The following NT5M variants were observed in gnomAD, a reference collection of about 807,000 sequenced individuals.
The protein encoded by NT5M is 5'(3')-deoxyribonucleotidase, mitochondrial.
Under a neutral mutation model 22.2 loss-of-function variants are expected in NT5M, and 22 were observed. That is an observed-to-expected ratio of 0.99 (90% confidence interval 0.71 to 1.41). The LOEUF (loss-of-function observed/expected upper bound fraction) is 1.41, where lower values mean the gene tolerates loss of function less well. Among genes scored for constraint, NT5M ranks in the 40% most tolerant of loss-of-function variants. The pLI is 0.00. For missense variants in NT5M, 322 were observed against 314.8 expected, an observed-to-expected ratio of 1.02 and a Z score of -0.17; for synonymous variants, 167 against 133.0, an observed-to-expected ratio of 1.26 and a Z score of -1.76.
chr17:17,306,580 T>G lies in NT5M; in HGVS notation c.305T>G (p.Phe102Cys). The change falls in exon 2 of 5, where the codon TTT (phenylalanine) becomes TGT (cysteine). Residue 102 changes from phenylalanine to cysteine, a missense_variant. Phe to Cys is a radical substitution (Grantham distance 205, BLOSUM62 -2). Coordinates refer to ENST00000389022, the MANE Select transcript of NT5M (RefSeq NM_020201.4). Reference protein sequence around the residue: ...AISIWESKNFFFELEPLPGAV... With the variant: ...AISIWESKNFCFELEPLPGAV... Reference sequence around the variant, plus strand: ...AGCATTTGGGAGTCAAAGAATTTCTTTTTTGAACTTGAGCCTCTGCCAGGG... The same window carrying G: ...AGCATTTGGGAGTCAAAGAATTTCTGTTTTGAACTTGAGCCTCTGCCAGGG... The G allele has an allele frequency of 6.2e-7, 1 of 1,614,054 alleles. No individual in the cohort carries two copies. The highest frequency in any genetic ancestry group is 8.5e-7 in the Non-Finnish European group (1 of 1,180,024).
At chr17:17,318,337 A>G (rs868330641) in intron 2 of NT5M, among the ~76,000 whole-genome samples, 39 of 151,886 alleles carry the variant, frequency 2.6e-4, no homozygotes, top group African/African-American at 9.4e-4. Context: ...AGAATTAGCC[A>G]GGCTTGGTGG....
intron 3 of NT5M, among the ~76,000 whole-genome samples, chr17:17,323,964 TG>T (rs1421716063): frequency 6.6e-6 from 1 of 152,114 alleles, no homozygotes; most frequent in Non-Finnish European, 1.5e-5. Context: ...CCAAGATCAC[TG>T]GGTTCAAGCA....
intron 2 of NT5M, among the ~76,000 whole-genome samples, chr17:17,309,127 CT>C (rs35861887): frequency 2.1e-3 from 301 of 140,262 alleles, no homozygotes; most frequent in Middle Eastern, 7.4e-3. Context: ...TTCTTTCTTT[CT>C]TTTTTTTTTT....
chr17:17,330,173 G>A (rs1291202731), intron 3 of NT5M, among the ~76,000 whole-genome samples: 7 of 151,196 alleles, frequency 4.6e-5, no homozygotes, highest in Non-Finnish European at 8.9e-5. Context: ...TGTGGCGGGC[G>A]CCTGTAGTCC....
intron 3 of NT5M, among the ~76,000 whole-genome samples, chr17:17,337,948 T>A (rs1225339017): frequency 3.3e-5 from 5 of 152,196 alleles, no homozygotes; most frequent in Non-Finnish European, 7.3e-5. Flanking sequence ...TTGCCTGTGC[T>A]TTTGGGGTAC....
chr17:17,340,587 C>T (rs1457368129), intron 3 of NT5M, among the ~76,000 whole-genome samples: 3 of 151,736 alleles, frequency 2.0e-5, no homozygotes, highest in African/African-American at 7.3e-5. Flanking sequence ...AGTGCAGTGG[C>T]ACAATCTCGG....
In NT5M at chr17:17,343,980, G is replaced by C. The variant is rs536673824; in HGVS notation, c.430-814G>C. Among the ~76,000 whole-genome samples, 3 of 152,262 alleles carry C rather than the reference G, an allele frequency of 2.0e-5. No homozygotes were observed. The East Asian group carries it at 5.8e-4, about 29-fold the overall frequency. The stretch of plus-strand genomic sequence containing the variant: ...ACCCCTGGCTGCACTGGGGTGGTGA[G>C]AGCAGCCAGGACCTGCTACCCTATA... On this transcript the variant is annotated intron_variant, in intron 3 of 4. Coordinates refer to ENST00000389022, the MANE Select transcript of NT5M (RefSeq NM_020201.4).
intron 3 of NT5M, among the ~76,000 whole-genome samples, chr17:17,329,440 T>G (rs752336658): frequency 2.0e-5 from 3 of 152,168 alleles, no homozygotes; most frequent in Non-Finnish European, 4.4e-5. Context: ...GACTTGAAAC[T>G]TAAGCAGCAT....
At chr17:17,314,504 A>G (rs1209985915) in intron 2 of NT5M, among the ~76,000 whole-genome samples, 1 of 152,148 alleles carries the variant, frequency 6.6e-6, no homozygotes, top group Non-Finnish European at 1.5e-5. Flanking sequence ...ATTTAAATAT[A>G]GATTTACAAA....
At chr17:17,339,455 CTCTT>C (rs967599719) in intron 3 of NT5M, among the ~76,000 whole-genome samples, 2 of 152,060 alleles carry the variant, frequency 1.3e-5, no homozygotes, top group African/African-American at 4.8e-5. Context: ...AATTTGGATG[CTCTT>C]TCTTTCTTTC....
chr17:17,308,974 A>G (rs943012749), intron 2 of NT5M, among the ~76,000 whole-genome samples: 2 of 152,206 alleles, frequency 1.3e-5, no homozygotes, highest in Admixed American at 6.5e-5. Context: ...TTGGATATGT[A>G]TGGATCTAAT....
intron 2 of NT5M, among the ~76,000 whole-genome samples, chr17:17,320,183 C>G (rs2049121087): frequency 6.6e-6 from 1 of 152,140 alleles, no homozygotes; most frequent in African/African-American, 2.4e-5. Flanking sequence ...GAATTGTACC[C>G]TTTTAATATG....
chr17:17,345,023 C>A (rs1160177072), intron 4 of NT5M, 115 bp downstream of exon 4: 10 of 1,448,190 alleles, frequency 6.9e-6, no homozygotes, highest in Non-Finnish European at 9.3e-6. Context: ...CAGCTGTTTG[C>A]CAGGCACTGA....
chr17:17,316,439 G>A (rs1045236466), intron 2 of NT5M, among the ~76,000 whole-genome samples: 1 of 151,776 alleles, frequency 6.6e-6, no homozygotes, highest in Admixed American at 6.6e-5. Flanking sequence ...GCAATGGCAT[G>A]ATCTTGGCTC....
At position 17,303,447 on chromosome 17, in the gene NT5M, C is replaced by T; in HGVS notation, c.-104C>T. The T allele has an allele frequency of 2.0e-6, 2 of 999,732 alleles. No homozygotes were observed. The allele number at this position is 999,732 out of a possible 1,614,324, so 61.9% of individuals were successfully genotyped here. On this transcript the variant is annotated 5_prime_UTR_variant, in exon 1 of 5. Transcript: ENST00000389022. ...TCCCCGTCCCGCGCTCCACGCGCGC[C>T]CCAGCGTTGGGGGCTTCTCCTCCGC...
At chr17:17,329,192 A>G (rs1168138413) in intron 3 of NT5M, among the ~76,000 whole-genome samples, 1 of 152,102 alleles carries the variant, frequency 6.6e-6, no homozygotes, top group Non-Finnish European at 1.5e-5. Context: ...GTTAGCCAGG[A>G]TGGTCTCGAT....
intron 2 of NT5M, among the ~76,000 whole-genome samples, chr17:17,314,998 C>T (rs576718893): frequency 6.6e-6 from 1 of 152,282 alleles, no homozygotes; most frequent in South Asian, 2.1e-4. Context: ...AGTGTCAGCT[C>T]CCTGAGGTCA....
chr17:17,323,117 G>A, intron 2 of NT5M, 68 bp from the exon 3 acceptor site: 2 of 1,268,082 alleles, frequency 1.6e-6, no homozygotes, highest in Non-Finnish European at 2.3e-6. Context: ...AGGCAGGGCA[G>A]GTGGTGAAGG....
chr17:17,336,574 G>A (rs1272094627), intron 3 of NT5M, among the ~76,000 whole-genome samples: 3 of 142,246 alleles, frequency 2.1e-5, no homozygotes, highest in Non-Finnish European at 3.0e-5. Flanking sequence ...TTTTTTTGAC[G>A]GAGTCTTACT....
Sources: allele counts gnomAD v4.1 joint callset (sites outside exome capture counted in the v4.1 genomes callset), GRCh38; gene constraint gnomAD v4.1.1; transcripts MANE v1.5; gene names NCBI Gene and HGNC (gene_info 2026-07-23, HGNC 2026-07-21).